DYNC2H1: variants seen among roughly 807,000 people sequenced by gnomAD.
DYNC2H1 encodes the protein dynein cytoplasmic 2 heavy chain 1, also known as cytoplasmic dynein 2 heavy chain 1.
DYNC2H1 carries 410 observed loss-of-function variants against 570.0 expected under a neutral mutation model. The ratio of observed to expected loss-of-function variants is 0.72; its 90% confidence interval spans 0.66 to 0.78. The LOEUF (loss-of-function observed/expected upper bound fraction) is 0.78. Among genes scored for constraint, DYNC2H1 ranks in the 30% least tolerant of loss-of-function variants. The pLI is 0.00. For missense variants in DYNC2H1, 4,865 were observed against 5,046.4 expected, an observed-to-expected ratio of 0.96 and a Z score of 1.09; for synonymous variants, 1,688 against 1,677.6, an observed-to-expected ratio of 1.01 and a Z score of -0.15.
At chr11:103,278,004 G>A (rs887163181) in intron 70 of DYNC2H1, among the ~76,000 whole-genome samples, 3 of 152,162 alleles carry the variant, frequency 2.0e-5, no homozygotes, top group South Asian at 2.1e-4. Context: ...CTGGTAGGTT[G>A]TGCCCTAGGT....
intron 84 of DYNC2H1, among the ~76,000 whole-genome samples, chr11:103,416,048 G>T (rs1241721516): frequency 6.6e-6 from 1 of 152,142 alleles, no homozygotes; most frequent in Non-Finnish European, 1.5e-5. Context: ...ATGATCACAA[G>T]GACAGAAAAC....
intron 84 of DYNC2H1, among the ~76,000 whole-genome samples, chr11:103,418,020 G>A (rs1487382107): frequency 6.7e-6 from 1 of 148,324 alleles, no homozygotes; most frequent in Non-Finnish European, 1.5e-5. Context: ...AGCAAACTAA[G>A]ATTAGAAGTG....
At chr11:103,332,308 C>A in intron 82 of DYNC2H1, among the ~76,000 whole-genome samples, 7 of 93,764 alleles carry the variant, frequency 7.5e-5, no homozygotes, top group Non-Finnish European at 8.1e-5. Flanking sequence ...GAGAAAAAAA[C>A]TGGGAAAAAA....
At chr11:103,260,059 TTTCCCTACTGG>T in intron 70 of DYNC2H1, 82 bp downstream of exon 70, 4 of 721,968 alleles carry the variant, frequency 5.5e-6, no homozygotes, top group Non-Finnish European at 8.1e-6. Flanking sequence ...AGTATAACTC[TTTCCCTACTGG>T]AAAGGTATTA....
At chr11:103,208,817 C>T (rs1466335787) in intron 52 of DYNC2H1, among the ~76,000 whole-genome samples, 1 of 151,914 alleles carries the variant, frequency 6.6e-6, no homozygotes. Context: ...AATTAATAGG[C>T]TTACTATGCC....
intron 54 of DYNC2H1, among the ~76,000 whole-genome samples, chr11:103,213,828 T>C (rs1326482939): frequency 6.6e-6 from 1 of 152,208 alleles, no homozygotes; most frequent in East Asian, 1.9e-4. Context: ...AGCTTTTTAC[T>C]TTAATATAGT....
At chr11:103,452,623 AC>A (rs138766994) in intron 85 of DYNC2H1, among the ~76,000 whole-genome samples, 37,337 of 151,700 alleles carry the variant, frequency 0.25, 4,773 homozygotes, top group Admixed American at 0.33. Context: ...TGCTTGTATT[AC>A]AATTTACTGA....
chr11:103,271,414 T>G (rs575760778), intron 70 of DYNC2H1, among the ~76,000 whole-genome samples: 1 of 152,348 alleles, frequency 6.6e-6, no homozygotes, highest in African/African-American at 2.4e-5. Context: ...AGTTCAATGT[T>G]ATATAAACTG....
chr11:103,167,278 G>A (rs115927978), intron 31 of DYNC2H1, among the ~76,000 whole-genome samples: 2,891 of 139,558 alleles, frequency 0.021, 90 homozygotes, highest in African/African-American at 0.071. Flanking sequence ...TTTTTTTTTT[G>A]GAGGGCGGGG....
intron 25 of DYNC2H1, 24 bp downstream of exon 25, chr11:103,155,525 C>A: frequency 6.3e-7 from 1 of 1,586,160 alleles, no homozygotes; most frequent in Middle Eastern, 1.7e-4. Flanking sequence ...TTATAAATAT[C>A]CCATAAGTCT....
chr11:103,371,752 A>C (rs1196195737), intron 83 of DYNC2H1, among the ~76,000 whole-genome samples: 1 of 152,106 alleles, frequency 6.6e-6, no homozygotes, highest in Non-Finnish European at 1.5e-5. Flanking sequence ...ATTTGCAGAT[A>C]GCTCACTATT....
At position 103,179,163 on chromosome 11, in the gene DYNC2H1, G is replaced by A; in HGVS notation, c.6277G>A (p.Val2093Ile). ...RIQFGPNVNF[V>I]FETHDLSCAS... Reference sequence around the variant, plus strand: ...TCAGTTTGGCCCAAATGTTAACTTTGTATTTGAAACTCATGATTTAAGTTG... The same window carrying A: ...TCAGTTTGGCCCAAATGTTAACTTTATATTTGAAACTCATGATTTAAGTTG... Residue 2093 changes from valine to isoleucine, a missense_variant, in exon 39 of 89, where the codon GTA (valine) becomes ATA (isoleucine). Val to Ile is a conservative substitution (Grantham distance 29). Around this residue, in one of 5 missense-constraint regions of DYNC2H1, gnomAD observed 231 missense variants for 310.3 expected, o/e 0.74. Coordinates refer to ENST00000375735, the MANE Select transcript of DYNC2H1 (RefSeq NM_001377.3). 1 of 1,613,026 alleles carries A rather than the reference G, an allele frequency of 6.2e-7. No homozygotes were observed. The highest frequency in any genetic ancestry group is 8.5e-7 in the Non-Finnish European group (1 of 1,179,266).
chr11:103,320,134 C>T (rs1352555337), intron 80 of DYNC2H1, among the ~76,000 whole-genome samples: 4 of 152,176 alleles, frequency 2.6e-5, no homozygotes, highest in East Asian at 1.9e-4. Context: ...TTAATTCTTA[C>T]ATTTTAACAT....
At chr11:103,288,984 T>C (rs1340556343) in intron 75 of DYNC2H1, among the ~76,000 whole-genome samples, 1 of 151,826 alleles carries the variant, frequency 6.6e-6, no homozygotes, top group Admixed American at 6.6e-5. Flanking sequence ...AACATCACTA[T>C]TGTAAAACCT....
intron 12 of DYNC2H1, among the ~76,000 whole-genome samples, chr11:103,126,636 A>ATT (rs35586253): frequency 8.9e-6 from 1 of 112,824 alleles, no homozygotes. Flanking sequence ...TAGAACTCAT[A>ATT]TTTTTTTTTT....
chr11:103,425,242 T>C (rs1483624731), intron 84 of DYNC2H1, among the ~76,000 whole-genome samples: 1 of 152,152 alleles, frequency 6.6e-6, no homozygotes, highest in African/African-American at 2.4e-5. Context: ...CCAGCTTAAA[T>C]AAACATCATT....
chr11:103,446,958 C>A lies in DYNC2H1; in HGVS notation c.12457-8228C>A, dbSNP rs537014150. 3.9e-5 allele frequency among the ~76,000 whole-genome samples: 6 copies of A among 152,064 alleles called. No individual in the cohort carries two copies. The South Asian group carries it at 1.2e-3, about 32-fold the overall frequency. The stretch of plus-strand genomic sequence containing the variant: ...CCACACTAAAAATTAAATACTGTGC[C>A]AAAAAGTAATTTTTAATAATCTTGT... On this transcript the variant is annotated intron_variant, in intron 85 of 88. Coordinates refer to ENST00000375735, the MANE Select transcript of DYNC2H1 (RefSeq NM_001377.3). The surrounding 1 kb of genome is among the most constrained non-coding windows in gnomAD (Gnocchi z 4.5).
At chr11:103,431,180 G>T (rs1274305534) in intron 84 of DYNC2H1, among the ~76,000 whole-genome samples, 2 of 145,754 alleles carry the variant, frequency 1.4e-5, no homozygotes, top group African/African-American at 2.6e-5. Flanking sequence ...TACATTTAGG[G>T]TTAGACCTGG....
chr11:103,453,688 AAATT>A (rs1167123962), intron 85 of DYNC2H1, among the ~76,000 whole-genome samples: 3 of 149,968 alleles, frequency 2.0e-5, no homozygotes, highest in Non-Finnish European at 4.4e-5. Flanking sequence ...TTTGAATTCA[AAATT>A]AATTTTACAG....
Sources: gnomAD v4.1 joint callset for allele counts (sites outside exome capture counted in the v4.1 genomes callset) on GRCh38, gnomAD v4.1.1 for gene constraint, gnomAD v4.1.1 regional missense constraint, Gnocchi (gnomAD v3.1) non-coding constraint, MANE v1.5 for transcripts, NCBI Gene and HGNC (gene_info 2026-07-23, HGNC 2026-07-21) for gene names.